Variants in VPS13A observed in about 807,000 individuals in gnomAD.
VPS13A encodes the protein vacuolar protein sorting 13 homolog A.
A neutral mutation model predicts 390.9 loss-of-function variants in VPS13A; 264 were observed. That is an observed-to-expected ratio of 0.68 (90% CI 0.61 to 0.75). The LOEUF (loss-of-function observed/expected upper bound fraction) is 0.75. Among genes scored for constraint, VPS13A ranks in the 30% least tolerant of loss-of-function variants. VPS13A has a pLI of 0.00. For missense variants in VPS13A, 3,409 were observed against 3,733.9 expected (o/e 0.91, Z 2.27); for synonymous variants, 1,231 against 1,227.1 (o/e 1.00, Z -0.07).
At chr9:77,270,329 A>G (rs560969551) in intron 23 of VPS13A, among the ~76,000 whole-genome samples, 1 of 152,318 alleles carries the variant, frequency 6.6e-6, no homozygotes, top group Admixed American at 6.5e-5. Context: ...TTTGACATTG[A>G]AGGGAATGTG....
chr9:77,354,390 C>T (rs1831641239), intron 54 of VPS13A, among the ~76,000 whole-genome samples: 1 of 151,758 alleles, frequency 6.6e-6, no homozygotes, highest in Non-Finnish European at 1.5e-5. Flanking sequence ...AATTTTTATT[C>T]TCAAAAAATG....
chr9:77,313,548 A>G (rs1019103863), intron 35 of VPS13A, among the ~76,000 whole-genome samples: 3 of 152,188 alleles, frequency 2.0e-5, no homozygotes, highest in African/African-American at 7.2e-5. Context: ...TCAAAATTCA[A>G]ATGTAGAAAA....
At chr9:77,382,241 C>T in intron 68 of VPS13A, 154 bp downstream of exon 68, 2 of 1,438,618 alleles carry the variant, frequency 1.4e-6, no homozygotes, top group Non-Finnish European at 9.2e-7. Context: ...TTTTAAAGTA[C>T]ATTTATTTAC....
At chr9:77,354,203 A>G (rs1272339029) in intron 54 of VPS13A, among the ~76,000 whole-genome samples, 2 of 152,054 alleles carry the variant, frequency 1.3e-5, no homozygotes, top group Non-Finnish European at 2.9e-5. Context: ...CTTCTGTATA[A>G]CCAGGATAAT....
intron 13 of VPS13A, among the ~76,000 whole-genome samples, chr9:77,224,953 C>T (rs975325241): frequency 2.0e-5 from 3 of 152,160 alleles, no homozygotes; most frequent in Non-Finnish European, 4.4e-5. Flanking sequence ...CTATCAACAT[C>T]GAGGCAAGAT....
intron 67 of VPS13A, among the ~76,000 whole-genome samples, chr9:77,378,941 A>G (rs1833266847): frequency 6.7e-6 from 1 of 150,014 alleles, no homozygotes; most frequent in South Asian, 2.1e-4. Flanking sequence ...TTTCTTTGAC[A>G]TTTTGTTATT....
At chr9:77,265,437 T>C (rs1240686763) in intron 23 of VPS13A, among the ~76,000 whole-genome samples, 1 of 152,208 alleles carries the variant, frequency 6.6e-6, no homozygotes, top group Non-Finnish European at 1.5e-5. Context: ...GGGCTTTTTT[T>C]GGTTGATAGG....
chr9:77,217,401 C>G (rs1188204503), intron 10 of VPS13A, among the ~76,000 whole-genome samples: 2 of 152,094 alleles, frequency 1.3e-5, no homozygotes, highest in African/African-American at 2.4e-5. Flanking sequence ...TTCAGTGTTT[C>G]CATCACCTGA....
chr9:77,370,702 G>A lies in VPS13A; in HGVS notation c.8907+124G>A, dbSNP rs1403491494. Reference sequence around the variant, plus strand: ...TTATTATTTGGATATTTTAAGAGCAGTGGGTGGTAGCATATAAAACATGTC... The same window carrying A: ...TTATTATTTGGATATTTTAAGAGCAATGGGTGGTAGCATATAAAACATGTC... On this transcript the variant is annotated intron_variant, in intron 65 of 71. Transcript: ENST00000360280. The A allele has an allele frequency of 7.6e-6, 11 of 1,448,734 alleles. No homozygotes were observed. The African/African-American group carries it at 8.6e-5, about 11-fold the overall frequency. The allele number at this position is 1,448,734 out of a possible 1,614,324, so 89.7% of individuals were successfully genotyped here.
chr9:77,388,408 T>G (rs1833776161), intron 68 of VPS13A, among the ~76,000 whole-genome samples: 1 of 152,182 alleles, frequency 6.6e-6, no homozygotes, highest in South Asian at 2.1e-4. Flanking sequence ...CATAGGGATT[T>G]ATTGTCCGGT....
intron 20 of VPS13A, among the ~76,000 whole-genome samples, chr9:77,247,957 C>T (rs1824920071): frequency 1.3e-5 from 2 of 152,076 alleles, no homozygotes; most frequent in South Asian, 4.2e-4. Flanking sequence ...CCGCGCCTGG[C>T]CCGAATCTAA....
At chr9:77,245,142 A>G (rs1012820401) in intron 19 of VPS13A, among the ~76,000 whole-genome samples, 3 of 152,202 alleles carry the variant, frequency 2.0e-5, no homozygotes, top group African/African-American at 4.8e-5. Flanking sequence ...GAGAGACCCA[A>G]TCAACCTAAG....
intron 3 of VPS13A, among the ~76,000 whole-genome samples, chr9:77,201,719 C>CT (rs1825340769): frequency 6.6e-6 from 1 of 152,106 alleles, no homozygotes; most frequent in African/African-American, 2.4e-5. Context: ...GTTACCACTG[C>CT]TATATTTTGA....
At chr9:77,355,931 A>G (rs567044422) in intron 54 of VPS13A, among the ~76,000 whole-genome samples, 1 of 152,260 alleles carries the variant, frequency 6.6e-6, no homozygotes, top group South Asian at 2.1e-4. Context: ...TCCTGCTTCT[A>G]ATCTTGACTC....
chr9:77,344,342 T>C, intron 51 of VPS13A, 61 bp downstream of exon 51: 1 of 1,525,760 alleles, frequency 6.6e-7, no homozygotes, highest in Non-Finnish European at 8.9e-7. Context: ...CTGACTAGTA[T>C]TGTATTTATT....
chr9:77,338,778 A>G (rs1435554371), intron 47 of VPS13A: 2 of 152,246 alleles, frequency 1.3e-5, no homozygotes, highest in Non-Finnish European at 2.9e-5. Context: ...AACTGGTGAG[A>G]TATTCAGATG....
At chr9:77,287,224 T>TTCTCTCTC (rs147295666) in intron 31 of VPS13A, among the ~76,000 whole-genome samples, 68 of 145,082 alleles carry the variant, frequency 4.7e-4, no homozygotes, top group Middle Eastern at 3.7e-3. Flanking sequence ...ATACATAAAA[T>TTCTCTCTC]TCTCTCTCTC....
intron 52 of VPS13A, among the ~76,000 whole-genome samples, chr9:77,347,236 T>G (rs1225844783): frequency 6.6e-6 from 1 of 152,170 alleles, no homozygotes; most frequent in Non-Finnish European, 1.5e-5. Flanking sequence ...TTGATGGTAT[T>G]TTTATGGGAA....
At position 77,415,746 on chromosome 9, in the gene VPS13A, A is replaced by G. The variant is rs73451892; in HGVS notation, c.9475-210A>G. ...CATCCAAAGACCTTAGAAGAACTGC[A>G]TTCCTACTATTAAACCAAGTACTAT... On this transcript the variant is annotated intron_variant, in intron 71 of 71. Transcript: ENST00000360280. Among the ~76,000 whole-genome samples, 1,181 of 152,286 alleles carry G rather than the reference A, an allele frequency of 7.8e-3. 17 individuals carry two copies. Among genetic ancestry groups the G allele is most frequent in the African/African-American group, 0.027 (1,111 of 41,548 alleles).
Sources: gnomAD v4.1 joint callset for allele counts (sites outside exome capture counted in the v4.1 genomes callset) on GRCh38, gnomAD v4.1.1 for gene constraint, MANE v1.5 for transcripts, NCBI Gene and HGNC (gene_info 2026-07-23, HGNC 2026-07-21) for gene names.